Variants in ZCCHC10 observed in about 807,000 individuals in gnomAD.
ZCCHC10 encodes the protein zinc finger CCHC-type containing 10, also known as zinc finger CCHC domain-containing protein 10.
In ZCCHC10, 16 loss-of-function variants were observed where a neutral mutation model predicts 19.5. That is an observed-to-expected ratio of 0.82 (90% CI 0.56 to 1.25). The LOEUF (loss-of-function observed/expected upper bound fraction) is 1.25, where lower values mean the gene tolerates loss of function less well. Among genes scored for constraint, ZCCHC10 ranks in the 50% most tolerant of loss-of-function variants. The probability of loss-of-function intolerance (pLI) is 0.00; values close to 1 mark genes in which losing one functional copy is unlikely to be tolerated. For missense variants in ZCCHC10, 197 were observed against 201.0 expected (o/e 0.98, Z 0.12); for synonymous variants, 67 against 72.5 (o/e 0.92, Z 0.38).
intron 3 of ZCCHC10, among the ~76,000 whole-genome samples, chr5:133,002,490 C>T (rs182416694): frequency 0.015 from 2,240 of 152,144 alleles, 18 homozygotes; most frequent in South Asian, 0.028. Flanking sequence ...TATAGGTGTG[C>T]GCCTAAACTA....
chr5:133,013,126 C>T (rs6596096), intron 2 of ZCCHC10, among the ~76,000 whole-genome samples: 45,684 of 146,808 alleles, frequency 0.31, 7,926 homozygotes, highest in African/African-American at 0.48. Flanking sequence ...GGCATGGCAA[C>T]GCACACCTGT....
chr5:133,017,216 AGGTGCT>A (rs1763983582), intron 2 of ZCCHC10, among the ~76,000 whole-genome samples: 1 of 152,120 alleles, frequency 6.6e-6, no homozygotes, highest in Non-Finnish European at 1.5e-5. Context: ...GCTCCTCTGT[AGGTGCT>A]CTCCTGACCC....
chr5:133,020,031 C>T (rs62381933), intron 2 of ZCCHC10, among the ~76,000 whole-genome samples: 2,839 of 151,066 alleles, frequency 0.019, 49 homozygotes, highest in Non-Finnish European at 0.028. Flanking sequence ...CCTAAGAATC[C>T]AAACAATAGA....
At chr5:132,998,996 A>G (rs969005902) in intron 4 of ZCCHC10, 146 bp from the exon 5 acceptor site, 2 of 1,075,654 alleles carry the variant, frequency 1.9e-6, no homozygotes, top group African/African-American at 3.2e-5. Flanking sequence ...GCTCACTGCA[A>G]CCTCTGCCTC....
chr5:133,024,901 T>A (rs1159103436), intron 1 of ZCCHC10, among the ~76,000 whole-genome samples: 2 of 146,284 alleles, frequency 1.4e-5, no homozygotes, highest in Non-Finnish European at 1.5e-5. Flanking sequence ...AGACTCCGTC[T>A]AAAAAAAAAA....
chr5:132,999,939 G>A (rs1762654798), intron 4 of ZCCHC10, among the ~76,000 whole-genome samples, 193 bp downstream of exon 4: 1 of 152,098 alleles, frequency 6.6e-6, no homozygotes, highest in Admixed American at 6.6e-5. Flanking sequence ...GTAGAGACAC[G>A]GTTTCACCAT....
intron 4 of ZCCHC10, among the ~76,000 whole-genome samples, chr5:132,999,701 A>G (rs772656562): frequency 1.3e-5 from 2 of 152,198 alleles, no homozygotes; most frequent in Non-Finnish European, 2.9e-5. Flanking sequence ...AGAAAATAGG[A>G]TGATTATTTA....
chr5:133,018,218 G>T (rs1282704974), intron 2 of ZCCHC10, among the ~76,000 whole-genome samples: 1 of 150,948 alleles, frequency 6.6e-6, no homozygotes, highest in East Asian at 1.9e-4. Flanking sequence ...AGGTGTGTTG[G>T]TTCACACCTG....
At chr5:133,023,784 T>C (rs1440583740) in intron 1 of ZCCHC10, among the ~76,000 whole-genome samples, 19 of 142,930 alleles carry the variant, frequency 1.3e-4, no homozygotes, top group Non-Finnish European at 1.5e-5. Flanking sequence ...AAAAAAAAAA[T>C]TGATGATAGT....
chr5:132,997,773 C>T lies in ZCCHC10; in HGVS notation c.*810G>A, dbSNP rs1011750944. ...ACCTTTCCCCCTGCTTTGAATGGTA[C>T]CTTTTATTGCATGTTAATACACAAA... On this transcript the variant is annotated 3_prime_UTR_variant, in exon 5 of 5. Coordinates refer to ENST00000509437, the MANE Select transcript of ZCCHC10 (RefSeq NM_001300816.3). 3.3e-5 allele frequency: 5 copies of T among 152,094 alleles called. No individual in the cohort carries two copies. Among genetic ancestry groups the T allele is most frequent in the Admixed American group, 6.6e-5 (1 of 15,260 alleles). 9.4% of individuals were successfully genotyped at this position (152,094 alleles called of 1,614,324 possible).
chr5:133,009,613 CAAAAA>C (rs59555378), intron 2 of ZCCHC10, among the ~76,000 whole-genome samples: 11 of 55,520 alleles, frequency 2.0e-4, no homozygotes, highest in Non-Finnish European at 3.6e-4. Context: ...GACTCCGTCT[CAAAAA>C]AAAAAAAAAA....
chr5:133,026,374 C>A, intron 1 of ZCCHC10, 123 bp downstream of exon 1: 1 of 1,389,726 alleles, frequency 7.2e-7, no homozygotes, highest in Non-Finnish European at 1.0e-6. Context: ...CCCCCGGGAG[C>A]CAGAAGAGTG....
intron 3 of ZCCHC10, among the ~76,000 whole-genome samples, chr5:133,003,955 C>A (rs1278070897): frequency 6.6e-6 from 1 of 151,350 alleles, no homozygotes; most frequent in East Asian, 2.0e-4. Context: ...AGTGATCCAC[C>A]CACCTCGGCC....
At chr5:133,018,582 A>G (rs1008645190) in intron 2 of ZCCHC10, among the ~76,000 whole-genome samples, 5 of 152,092 alleles carry the variant, frequency 3.3e-5, no homozygotes, top group African/African-American at 1.2e-4. Context: ...TATTTTTAGT[A>G]GAGACAGGGT....
chr5:132,998,732 T>C lies in ZCCHC10; in HGVS notation c.430A>G (p.Ser144Gly). Reference sequence around the variant, plus strand: ...GCTGAGGATGAGGAACTAGAGGAGCTTTCATCAGTGTCACTGTCCTCTGAG... The same window carrying C: ...GCTGAGGATGAGGAACTAGAGGAGCCTTCATCAGTGTCACTGTCCTCTGAG... ...SSSEDSDTDE[S>G]SSSSSSSASS... The change falls in exon 5 of 5, where the codon AGC (serine) becomes GGC (glycine). Residue 144 changes from serine to glycine, a missense_variant. Transcript: ENST00000509437. The C allele has an allele frequency of 6.2e-7, 1 of 1,614,106 alleles. No homozygotes were observed. Among genetic ancestry groups the C allele is most frequent in the Non-Finnish European group, 8.5e-7 (1 of 1,180,016 alleles).
chr5:133,000,610 T>C (rs988877132), intron 3 of ZCCHC10, among the ~76,000 whole-genome samples: 1 of 151,414 alleles, frequency 6.6e-6, no homozygotes, highest in Non-Finnish European at 1.5e-5. Flanking sequence ...TAATTTAAAA[T>C]AACTATTTCT....
intron 1 of ZCCHC10, among the ~76,000 whole-genome samples, chr5:133,023,812 T>C (rs945553519): frequency 6.6e-6 from 1 of 152,146 alleles, no homozygotes; most frequent in South Asian, 2.1e-4. Flanking sequence ...CATTTCTCAT[T>C]ACTAACTTAA....
intron 2 of ZCCHC10, among the ~76,000 whole-genome samples, chr5:133,020,146 C>G (rs1764206820): frequency 6.6e-6 from 1 of 151,830 alleles, no homozygotes; most frequent in Admixed American, 6.6e-5. Context: ...GCCTGGGCAA[C>G]ATAGTGACAC....
At chr5:133,016,690 G>A (rs956847840) in intron 2 of ZCCHC10, among the ~76,000 whole-genome samples, 5 of 152,054 alleles carry the variant, frequency 3.3e-5, no homozygotes, top group African/African-American at 9.7e-5. Context: ...TGATCTGCCC[G>A]CCTCAGCCTC....
Sources: allele counts gnomAD v4.1 joint callset (sites outside exome capture counted in the v4.1 genomes callset), GRCh38; gene constraint gnomAD v4.1.1; transcripts MANE v1.5; gene names NCBI Gene and HGNC (gene_info 2026-07-23, HGNC 2026-07-21).